The following PDXDC1 variants were observed in gnomAD, a reference collection of about 807,000 sequenced individuals.
PDXDC1 encodes pyridoxal dependent decarboxylase domain containing 1, also known as pyridoxal-dependent decarboxylase domain-containing protein 1.
A neutral mutation model predicts 100.1 loss-of-function variants in PDXDC1; 42 were observed. That is an observed-to-expected ratio of 0.42 (90% CI 0.33 to 0.54). The LOEUF (loss-of-function observed/expected upper bound fraction) is 0.54. Ranked by LOEUF, PDXDC1 falls within the 20% of genes least tolerant of loss-of-function variation. PDXDC1 has a pLI of 0.10. For missense variants in PDXDC1, 636 were observed against 979.2 expected (o/e 0.65, Z 4.68); for synonymous variants, 260 against 371.7 (o/e 0.70, Z 3.46).
chr16:15,010,236 C>CAT (rs1170180006), intron 8 of PDXDC1: 2 of 160,982 alleles, frequency 1.2e-5, no homozygotes, highest in Non-Finnish European at 2.7e-5. Context: ...TTAGTAGAGA[C>CAT]AGGGTTTCAC....
chr16:15,031,906 G>C lies in PDXDC1; in HGVS notation c.1571G>C (p.Arg524Thr). Residue 524 changes from arginine to threonine, a missense_variant and splice_region_variant, in exon 17 of 23, where the codon AGG (arginine) becomes ACG (threonine). This residue lies in a region of PDXDC1 where 452 missense variants were observed against 402.9 expected (regional missense o/e 1.12). Transcript: ENST00000396410. The stretch of plus-strand genomic sequence containing the variant: ...AACTGGTCTGGAATAGGGGTTGTCA[G>C]GTAAAGTCTTGGCCTGCCGCTTGAT... ...DPNWSGIGVV[R>T]YEHANDDKSS... is the part of the protein sequence containing the mutation. 6.2e-7 allele frequency: 1 copy of C among 1,601,212 alleles called. No homozygotes were observed. The highest frequency in any genetic ancestry group is 8.5e-7 in the Non-Finnish European group (1 of 1,172,184).
At chr16:15,077,772 T>C (rs1315889038) in intron 16 of PDXDC1, among the ~76,000 whole-genome samples, 2 of 152,074 alleles carry the variant, frequency 1.3e-5, no homozygotes, top group African/African-American at 2.4e-5. Context: ...ACCCCGGAGG[T>C]GGAGGTTGCA....
chr16:15,122,296 C>A (rs894462283), intron 16 of PDXDC1, among the ~76,000 whole-genome samples: 1 of 149,086 alleles, frequency 6.7e-6, no homozygotes, highest in Non-Finnish European at 1.5e-5. Context: ...CTGCAACGTC[C>A]AGCTCCTGGG....
At chr16:15,051,163 T>C (rs2044276876) in intron 16 of PDXDC1, among the ~76,000 whole-genome samples, 1 of 152,264 alleles carries the variant, frequency 6.6e-6, no homozygotes, top group South Asian at 2.1e-4. Flanking sequence ...GGCGAATTTT[T>C]AACACTCATG....
intron 16 of PDXDC1, among the ~76,000 whole-genome samples, chr16:15,122,892 G>T (rs1045771821): frequency 2.8e-5 from 4 of 142,134 alleles, no homozygotes; most frequent in Admixed American, 7.1e-5. Flanking sequence ...GAAGGGGGCT[G>T]TTGGGTACCT....
At position 15,033,375 on chromosome 16, in the gene PDXDC1, C is replaced by G; in HGVS notation, c.1788C>G (p.Ala596=). The change falls in exon 19 of 23, where the codon GCC becomes GCG. Residue 596 remains alanine (A), a synonymous_variant. Transcript: ENST00000396410. ...TCGTGGAGACCATTGCGGCCACAGC[C>G]CGGGAGATAGAGGAGAACTCGAGGG... ...AELVETIAAT[A]REIEENSRLL... is the part of the protein sequence containing the mutation. 6.2e-7 allele frequency: 1 copy of G among 1,614,156 alleles called. No individual in the cohort carries two copies. Among genetic ancestry groups the G allele is most frequent in the Middle Eastern group, 1.6e-4 (1 of 6,062 alleles).
intron 16 of PDXDC1, among the ~76,000 whole-genome samples, chr16:15,111,786 G>T: frequency 2.1e-5 from 3 of 142,652 alleles, no homozygotes; most frequent in African/African-American, 2.5e-5. Flanking sequence ...AAAATGACAT[G>T]AATATACTTC....
intron 16 of PDXDC1, among the ~76,000 whole-genome samples, chr16:15,090,567 G>C (rs2046090630): frequency 6.6e-6 from 1 of 152,200 alleles, no homozygotes; most frequent in African/African-American, 2.4e-5. Flanking sequence ...CCTGTGAATA[G>C]CCAGAGCAAC....
chr16:15,079,426 C>T (rs1367934084), intron 16 of PDXDC1, among the ~76,000 whole-genome samples: 1 of 152,206 alleles, frequency 6.6e-6, no homozygotes. Flanking sequence ...GGTTCTCTAA[C>T]TCATAATGTA....
rs148410387 is a variant in PDXDC1 at position 15,017,362 on chromosome 16, G to A, written c.903G>A (p.Pro301=). 3.2e-4 allele frequency: 510 copies of A among 1,614,094 alleles called. 2 individuals carry two copies. The African/African-American group carries it at 6.1e-3, about 19-fold the overall frequency. Residue 301 remains proline (P), a synonymous_variant, in exon 11 of 23, where the codon CCG becomes CCA. Coordinates refer to ENST00000396410, the MANE Select transcript of PDXDC1 (RefSeq NM_015027.4). ...ATAGCATGACGATGACTCCTGGCCC[G>A]TGGCTGGGTTTGCCAGCTGTTCCTG... ...KCDSMTMTPG[P]WLGLPAVPAV...
intron 16 of PDXDC1, among the ~76,000 whole-genome samples, chr16:15,063,851 T>G (rs1047317435): frequency 6.6e-6 from 1 of 152,218 alleles, no homozygotes; most frequent in African/African-American, 2.4e-5. Flanking sequence ...TCCATTTTCA[T>G]GTGAAATTGT....
intron 16 of PDXDC1, chr16:15,125,682 A>G: frequency 3.7e-6 from 5 of 1,367,518 alleles, no homozygotes; most frequent in Non-Finnish European, 5.2e-6. Flanking sequence ...CCCCCAGTAG[A>G]GCCCTCACCT....
intron 16 of PDXDC1, chr16:15,065,067 G>C: frequency 1.4e-6 from 1 of 692,936 alleles, no homozygotes; most frequent in Non-Finnish European, 2.4e-6. Flanking sequence ...TCGGGAGGCT[G>C]AGTCAGGAGA....
intron 16 of PDXDC1, among the ~76,000 whole-genome samples, chr16:15,030,569 A>T (rs1458538515): frequency 2.1e-5 from 3 of 144,862 alleles, no homozygotes; most frequent in South Asian, 2.3e-4. Context: ...AAAAAAAAAA[A>T]GTCATCACAT....
intron 16 of PDXDC1, chr16:15,068,377 T>C (rs1189220810): frequency 4.4e-5 from 62 of 1,420,354 alleles, no homozygotes; most frequent in Non-Finnish European, 5.5e-5. Context: ...TAAAAAAAAC[T>C]TTAAAAAATT....
chr16:15,140,860 C>A (rs1177266636), downstream of PDXDC1, among the ~76,000 whole-genome samples: 1 of 152,116 alleles, frequency 6.6e-6, no homozygotes, highest in Non-Finnish European at 1.5e-5. Context: ...CTGCACACCA[C>A]CCCCCTGCTC....
At position 15,037,887 on chromosome 16, in the gene PDXDC1, C is replaced by A. The variant is rs2043586581; in HGVS notation, c.*1612C>A. 1.8e-6 allele frequency: 1 copy of A among 563,820 alleles called. No homozygotes were observed. The highest frequency in any genetic ancestry group is 3.1e-6 in the Non-Finnish European group (1 of 318,138). 34.9% of individuals were successfully genotyped at this position (563,820 alleles called of 1,614,324 possible). On this transcript the variant is annotated 3_prime_UTR_variant, in exon 23 of 23. Transcript: ENST00000396410. ...CAAAATAAGGTTTTATTTTGAAAGT[C>A]ATTTGATGAAAGTCATTTGAAAGAC...
At chr16:15,152,033 G>C in the PDXDC1 span, among the ~76,000 whole-genome samples, 2 of 149,466 alleles carry the variant, frequency 1.3e-5, no homozygotes, top group Non-Finnish European at 3.0e-5. Context: ...GTCAGCCACA[G>C]CTCTGCCCAC....
At chr16:15,130,582 T>C in intron 16 of PDXDC1, 5 of 1,351,000 alleles carry the variant, frequency 3.7e-6, no homozygotes, top group Non-Finnish European at 5.3e-6. Flanking sequence ...ACCCGGGCAA[T>C]GCTGACCCAT....
Sources: gnomAD v4.1 joint callset for allele counts (sites outside exome capture counted in the v4.1 genomes callset) on GRCh38, gnomAD v4.1.1 for gene constraint, gnomAD v4.1.1 regional missense constraint, MANE v1.5 for transcripts, NCBI Gene and HGNC (gene_info 2026-07-23, HGNC 2026-07-21) for gene names.